Variants in MICALL2 observed in about 807,000 individuals in gnomAD.
MICALL2 encodes the protein MICAL like 2.
In MICALL2, 111 loss-of-function variants were observed where a neutral mutation model predicts 91.1. The ratio of observed to expected loss-of-function variants is 1.22; its 90% CI spans 1.04 to 1.43. The LOEUF is 1.43. Ranked by LOEUF, MICALL2 falls within the 40% of genes most tolerant of loss-of-function variation. The pLI, the probability that MICALL2 is intolerant of heterozygous loss-of-function variation, is 0.00. For synonymous variants in MICALL2, 694 were observed against 525.3 expected (o/e 1.32, Z -4.39); for missense variants, 1,556 against 1,236.0 (o/e 1.26, Z -3.88).
Position 1,442,220 on chromosome 7 carries a change from T to G in MICALL2, c.1683A>C (p.Ala561=). The G allele has an allele frequency of 2.5e-6, 4 of 1,612,730 alleles. No individual in the cohort carries two copies. Among genetic ancestry groups the G allele is most frequent in the Non-Finnish European group, 3.4e-6 (4 of 1,179,896 alleles). The part of the protein sequence containing the change: ...GSRPKPEAPM[A]KGKSTTLTQD... ...GCGTTAAGGTGGTGCTTTTACCCTT[T>G]GCCATCGGGGCCTCTGGCTTCGGCC... Residue 561 remains alanine (A), a synonymous_variant, in exon 7 of 17, where the codon GCA becomes GCC. Transcript: ENST00000297508.
intron 5 of MICALL2, among the ~76,000 whole-genome samples, chr7:1,446,294 A>G (rs1780575893): frequency 4.0e-5 from 2 of 49,928 alleles, no homozygotes; most frequent in African/African-American, 2.1e-4. Context: ...AGGAGGGGGA[A>G]AAAGGGGGAG....
intron 5 of MICALL2, 82 bp downstream of exon 5, chr7:1,446,631 C>T (rs1420882367): frequency 5.3e-6 from 5 of 943,756 alleles, no homozygotes; most frequent in Non-Finnish European, 8.0e-6. Context: ...AGGAGGAGGC[C>T]GGGTGGGAGG....
chr7:1,434,864 C>A (rs1376041676), intron 16 of MICALL2, 192 bp from the exon 17 acceptor site: 2 of 724,824 alleles, frequency 2.8e-6, no homozygotes, highest in Non-Finnish European at 2.2e-6. Context: ...GAGGGCTGGT[C>A]CCCACCATGA....
Position 1,440,045 on chromosome 7 carries a change from T to C in MICALL2, c.1846A>G (p.Arg616Gly). 6.3e-7 allele frequency: 1 copy of C among 1,583,834 alleles called. No homozygotes were observed. The highest frequency in any genetic ancestry group is 8.5e-7 in the Non-Finnish European group (1 of 1,170,346). The part of the protein sequence containing the change: ...PKEPRALAEP[R>G]AGEAPRKVSG... Reference sequence around the variant, plus strand: ...ACCTTCCTGGGGGCCTCCCCCGCCCTCGGCTCTGCCAGGGCCCGTGGTTCC... The same window carrying C: ...ACCTTCCTGGGGGCCTCCCCCGCCCCCGGCTCTGCCAGGGCCCGTGGTTCC... Residue 616 changes from arginine to glycine, a missense_variant, in exon 9 of 17, where the codon AGG becomes GGG. Physicochemically the swap from Arg to Gly is moderately radical, Grantham distance 125. Transcript: ENST00000297508.
At chr7:1,447,901 AC>A in intron 3 of MICALL2, 136 bp from the exon 4 acceptor site, 1 of 607,598 alleles carries the variant, frequency 1.6e-6, no homozygotes. Flanking sequence ...GGGAGAGGTA[AC>A]CCTGAGGGCA....
At position 1,437,568 on chromosome 7, in the gene MICALL2, C is replaced by T. The variant is rs1410847519; in HGVS notation, c.2443G>A (p.Glu815Lys). 1.0e-5 allele frequency: 16 copies of T among 1,535,026 alleles called. No individual in the cohort carries two copies. The highest frequency in any genetic ancestry group is 3.6e-5 in the South Asian group (3 of 83,728). Residue 815 changes from glutamate (E) to lysine (K), a missense_variant, in exon 14 of 17, where the codon GAG (glutamate) becomes AAG (lysine). Coordinates refer to ENST00000297508, the MANE Select transcript of MICALL2 (RefSeq NM_182924.4). ...QRLEEQQLDIEGELRRLMAKP... is the reference protein window; with the variant it reads ...QRLEEQQLDIKGELRRLMAKP... ...GCCATGAGCCGGCGCAGCTCGCCCT[C>T]GATGTCCAGCTGCTGCTCCTCCAGA...
intron 15 of MICALL2, among the ~76,000 whole-genome samples, chr7:1,435,663 G>A (rs1024757151): frequency 3.3e-5 from 5 of 152,250 alleles, no homozygotes; most frequent in Non-Finnish European, 5.9e-5. Flanking sequence ...GCCATGTGCT[G>A]GACCCCTCAT....
At chr7:1,438,038 C>G (rs1335600901) in intron 12 of MICALL2, 58 bp from the exon 13 acceptor site, 8 of 1,560,584 alleles carry the variant, frequency 5.1e-6, no homozygotes, top group Non-Finnish European at 6.9e-6. Context: ...GCCCCCAGCC[C>G]CAGGACTGAG....
chr7:1,435,627 G>A (rs1452679783), intron 15 of MICALL2, among the ~76,000 whole-genome samples: 2 of 152,264 alleles, frequency 1.3e-5, no homozygotes, highest in African/African-American at 4.8e-5. Context: ...TCTCATAGAG[G>A]TGGACTTCAG....
Position 1,456,018 on chromosome 7 carries a change from C to T in MICALL2, c.143+3166G>A, listed in dbSNP as rs780208898. Among the ~76,000 whole-genome samples, 29 of 151,904 alleles carry T rather than the reference C, an allele frequency of 1.9e-4. 1 individual carries two copies. Among genetic ancestry groups the T allele is most frequent in the Non-Finnish European group, 3.5e-4 (24 of 67,862 alleles). ...TGGGGACAGGAGGGACAGCCAAGGG[C>T]TGCATGAGGAGACCTCCACCCCAGC... On this transcript the variant is annotated intron_variant, in intron 1 of 16. Transcript: ENST00000297508.
rs368904358 is a variant in MICALL2 at position 1,442,458 on chromosome 7, G to C, written c.1445C>G (p.Pro482Arg). ...GRPSPATAAV[P>R]SSQPKTEAPQ... is the part of the protein sequence containing the mutation. ...TGCTTCAGTTTTGGGCTGAGAACTGGGAACAGCGGCAGTGGCTGGGGAGGG... is the reference window on the plus strand; with the variant it reads ...TGCTTCAGTTTTGGGCTGAGAACTGCGAACAGCGGCAGTGGCTGGGGAGGG... Residue 482 changes from proline to arginine, a missense_variant, in exon 7 of 17, where the codon CCC becomes CGC. Transcript: ENST00000297508. The C allele has an allele frequency of 6.5e-7, 1 of 1,542,732 alleles. No homozygotes were observed. Among genetic ancestry groups the C allele is most frequent in the African/African-American group, 1.4e-5 (1 of 72,884 alleles).
At chr7:1,439,185 G>A (rs1038180641) in intron 9 of MICALL2, 190 bp from the exon 10 acceptor site, 5 of 564,736 alleles carry the variant, frequency 8.9e-6, no homozygotes, top group African/African-American at 7.6e-5. Context: ...TGTCTCCCCA[G>A]GGGGCTAACC....
In MICALL2 at chr7:1,442,328, G is replaced by C. The variant is rs1189226163; in HGVS notation, c.1575C>G (p.Thr525=). The change falls in exon 7 of 17, where the codon ACC becomes ACG. Residue 525 remains threonine (T), a synonymous_variant. Coordinates refer to ENST00000297508, the MANE Select transcript of MICALL2 (RefSeq NM_182924.4). ...CCGGGGGCAACGCGGATGCCTGAGA[G>C]GTACTGCTCGTGCTCAGCGGGGCTG... ...EPPAPLSTSS[T]SQASALPPAG... is the part of the protein sequence containing the mutation. 14 of 1,613,068 alleles carry C rather than the reference G, an allele frequency of 8.7e-6. No individual in the cohort carries two copies. Among genetic ancestry groups the C allele is most frequent in the Non-Finnish European group, 1.1e-5 (13 of 1,179,884 alleles).
chr7:1,436,508 G>A (rs970798211), intron 15 of MICALL2, among the ~76,000 whole-genome samples: 14 of 140,862 alleles, frequency 9.9e-5, no homozygotes, highest in Non-Finnish European at 1.3e-4. Context: ...AGCCAAGATC[G>A]CACCACTGCA....
At chr7:1,440,918 C>T in intron 7 of MICALL2, 1 of 531,046 alleles carries the variant, frequency 1.9e-6, no homozygotes, top group Non-Finnish European at 3.4e-6. Context: ...GCCTCTGGGC[C>T]TCAACTTCCC....
chr7:1,452,781 G>C lies in MICALL2; in HGVS notation c.144-2493C>G, dbSNP rs1780881413. 6.6e-6 allele frequency among the ~76,000 whole-genome samples: 1 copy of C among 152,156 alleles called. No homozygotes were observed. Among genetic ancestry groups the C allele is most frequent in the African/African-American group, 2.4e-5 (1 of 41,442 alleles). On this transcript the variant is annotated intron_variant, in intron 1 of 16. Transcript: ENST00000297508. This position sits in a 1 kb window ranked among gnomAD's most constrained non-coding sequence, Gnocchi z 6.2. Reference sequence around the variant, plus strand: ...GCACAGGTCTGGGCTGCGAGTTCAAGCATCGCGGCCTCAGGATGAGGTTCA... The same window carrying C: ...GCACAGGTCTGGGCTGCGAGTTCAACCATCGCGGCCTCAGGATGAGGTTCA...
Position 1,440,041 on chromosome 7 carries a change from G to C in MICALL2, c.1850C>G (p.Ala617Gly), listed in dbSNP as rs375638403. The change falls in exon 9 of 17, where the codon GCG (alanine) becomes GGG (glycine). Residue 617 changes from alanine (A) to glycine (G), a missense_variant. Coordinates refer to ENST00000297508, the MANE Select transcript of MICALL2 (RefSeq NM_182924.4). The part of the protein sequence containing the change: ...KEPRALAEPR[A>G]GEAPRKVSGS... ...TGAGACCTTCCTGGGGGCCTCCCCCGCCCTCGGCTCTGCCAGGGCCCGTGG... is the reference window on the plus strand; with the variant it reads ...TGAGACCTTCCTGGGGGCCTCCCCCCCCCTCGGCTCTGCCAGGGCCCGTGG... The C allele has an allele frequency of 1.9e-6, 3 of 1,579,004 alleles. No homozygotes were observed. In the African/African-American group the frequency reaches 4.1e-5, roughly 22 times the overall value.
At chr7:1,435,653 G>A (rs1359726431) in intron 15 of MICALL2, among the ~76,000 whole-genome samples, 1 of 152,272 alleles carries the variant, frequency 6.6e-6, no homozygotes, top group Non-Finnish European at 1.5e-5. Context: ...GACCCAGAAT[G>A]CCATGTGCTG....
At position 1,434,589 on chromosome 7, in the gene MICALL2, C is replaced by CT; in HGVS notation, c.*6dup. The CT allele has an allele frequency of 1.2e-6, 2 of 1,607,840 alleles. No homozygotes were observed. The highest frequency in any genetic ancestry group is 8.5e-7 in the Non-Finnish European group (1 of 1,176,832). Reference sequence around the variant, plus strand: ...GGTCCGGGCCGAGCCCACGGCCCTACTGGCTACTACTGGGAGGGGCTGCTT... The same window carrying CT: ...GGTCCGGGCCGAGCCCACGGCCCTACTTGGCTACTACTGGGAGGGGCTGCTT... On this transcript the variant is annotated 3_prime_UTR_variant, in exon 17 of 17. Coordinates refer to ENST00000297508, the MANE Select transcript of MICALL2 (RefSeq NM_182924.4).
Sources: gnomAD v4.1 joint callset for allele counts (sites outside exome capture counted in the v4.1 genomes callset) on GRCh38, gnomAD v4.1.1 for gene constraint, Gnocchi (gnomAD v3.1) non-coding constraint, MANE v1.5 for transcripts, NCBI Gene and HGNC (gene_info 2026-07-23, HGNC 2026-07-21) for gene names.